XPO7: variants seen among roughly 807,000 people sequenced by gnomAD.
XPO7 encodes exportin 7, also known as exportin-7.
XPO7 carries 21 observed loss-of-function variants against 144.3 expected under a neutral mutation model. That is an observed-to-expected ratio of 0.15 (90% CI 0.10 to 0.21). The LOEUF (loss-of-function observed/expected upper bound fraction) is 0.21. XPO7 is among the 10% of genes least tolerant of loss of function. The pLI is 1.00. For synonymous variants in XPO7, 580 were observed against 499.6 expected (o/e 1.16, Z -2.15); for missense variants, 808 against 1,325.8 (o/e 0.61, Z 6.06).
chr8:21,976,217 A>G (rs1372657970), intron 6 of XPO7, 139 bp from the exon 7 acceptor site: 1 of 846,828 alleles, frequency 1.2e-6, no homozygotes, highest in Non-Finnish European at 1.9e-6. Context: ...TAGAAGTACC[A>G]CATCTTTGGA....
chr8:21,985,296 G>A (rs1563332960), intron 12 of XPO7, among the ~76,000 whole-genome samples: 2 of 152,184 alleles, frequency 1.3e-5, no homozygotes, highest in Non-Finnish European at 2.9e-5. Context: ...TCTTTTTACC[G>A]GGCCTGGCTG....
intron 1 of XPO7, among the ~76,000 whole-genome samples, chr8:21,946,783 C>T (rs1463312656): frequency 6.6e-6 from 1 of 151,644 alleles, no homozygotes; most frequent in East Asian, 1.9e-4. Flanking sequence ...CTCATACCTA[C>T]ACACTTTATA....
chr8:21,950,995 G>T (rs1404805838), intron 1 of XPO7, among the ~76,000 whole-genome samples: 4 of 152,026 alleles, frequency 2.6e-5, no homozygotes, highest in African/African-American at 7.2e-5. Context: ...GGGCGCGGTA[G>T]TGCATGCCTG....
At chr8:21,966,112 TC>T (rs1253048852) in intron 1 of XPO7, 1 of 614,936 alleles carries the variant, frequency 1.6e-6, no homozygotes, top group African/African-American at 1.9e-5. Context: ...CCATACCCCT[TC>T]CTGCCTCCCT....
intron 1 of XPO7, among the ~76,000 whole-genome samples, chr8:21,931,236 C>T (rs1585416570): frequency 6.6e-6 from 1 of 151,918 alleles, no homozygotes; most frequent in African/African-American, 2.4e-5. Flanking sequence ...AGTCTTGGCT[C>T]ACTGCAACCT....
intron 10 of XPO7, among the ~76,000 whole-genome samples, 170 bp downstream of exon 10, chr8:21,982,047 CAA>C (rs1276298031): frequency 3.3e-5 from 5 of 152,026 alleles, no homozygotes; most frequent in Non-Finnish European, 7.4e-5. Context: ...TACACAAGTG[CAA>C]GTAGTGTGGG....
chr8:21,949,624 G>T (rs1811304696), intron 1 of XPO7, among the ~76,000 whole-genome samples: 1 of 152,198 alleles, frequency 6.6e-6, no homozygotes, highest in East Asian at 1.9e-4. Context: ...AGGCCACGTG[G>T]TTCATGACTT....
At chr8:21,940,935 A>G (rs757662255) in intron 1 of XPO7, among the ~76,000 whole-genome samples, 8 of 152,148 alleles carry the variant, frequency 5.3e-5, no homozygotes, top group African/African-American at 9.7e-5. Flanking sequence ...TACCAAGCAT[A>G]TGTAATCAGC....
At chr8:21,975,719 G>C (rs938122588) in intron 6 of XPO7, among the ~76,000 whole-genome samples, 4 of 152,180 alleles carry the variant, frequency 2.6e-5, no homozygotes, top group African/African-American at 9.7e-5. Context: ...AGAAAACTAA[G>C]GATTGAATCC....
chr8:22,002,006 G>A, intron 24 of XPO7, 106 bp from the exon 25 acceptor site: 1 of 1,355,668 alleles, frequency 7.4e-7, no homozygotes. Flanking sequence ...CAACCGCCTT[G>A]GTTGAATTGG....
chr8:21,985,973 A>C (rs2117369800), intron 13 of XPO7, among the ~76,000 whole-genome samples: 1 of 152,338 alleles, frequency 6.6e-6, no homozygotes, highest in South Asian at 2.1e-4. Flanking sequence ...CAGAGTTAGT[A>C]AAATATGGAC....
Position 21,985,586 on chromosome 8 carries a change from G to A in XPO7, c.1472G>A (p.Gly491Glu). The A allele has an allele frequency of 1.2e-6, 2 of 1,613,996 alleles. No homozygotes were observed. The highest frequency in any genetic ancestry group is 8.5e-7 in the Non-Finnish European group (1 of 1,179,888). ...ASPMDIAVQE[G>E]RLTWLVYIIG... ...ACACTGGGTCTGTCTCCTGCTGCAG[G>A]AAGGCTGACATGGCTGGTTTACATT... Residue 491 changes from glycine (G) to glutamate (E), a missense_variant and splice_region_variant, in exon 13 of 28, where the codon GGA becomes GAA. Physicochemically the swap from Gly to Glu is moderately conservative, Grantham distance 98. Around this residue, in one of 5 missense-constraint regions of XPO7, gnomAD observed 416 missense variants for 612.5 expected, o/e 0.68. Transcript: ENST00000252512.
chr8:21,969,780 T>G (rs1811993410), intron 3 of XPO7: 1 of 577,972 alleles, frequency 1.7e-6, no homozygotes, highest in Non-Finnish European at 3.0e-6. Flanking sequence ...GCCTAAGTCC[T>G]CCCTTTTGTT....
intron 1 of XPO7, among the ~76,000 whole-genome samples, chr8:21,957,186 C>A (rs971074401): frequency 6.6e-6 from 1 of 152,048 alleles, no homozygotes; most frequent in Non-Finnish European, 1.5e-5. Context: ...AGGGAAGACT[C>A]AGCGGCACTC....
At chr8:21,995,676 C>T (rs1387647429) in intron 21 of XPO7, 77 bp downstream of exon 21, 33 of 1,131,788 alleles carry the variant, frequency 2.9e-5, no homozygotes, top group Non-Finnish European at 4.1e-5. Flanking sequence ...GTGCTTTGGG[C>T]AGATTGTGGG....
intron 1 of XPO7, among the ~76,000 whole-genome samples, chr8:21,957,778 C>G (rs1352851224): frequency 6.6e-6 from 1 of 152,230 alleles, no homozygotes; most frequent in African/African-American, 2.4e-5. Flanking sequence ...AGTCCATGCA[C>G]TGTGCTCACT....
chr8:21,975,809 G>A (rs1462656673), intron 6 of XPO7, among the ~76,000 whole-genome samples: 4 of 152,194 alleles, frequency 2.6e-5, no homozygotes, highest in Non-Finnish European at 5.9e-5. Context: ...GAATGGGACA[G>A]GCACAGTAGC....
At chr8:21,955,714 C>A (rs1433821298) in intron 1 of XPO7, among the ~76,000 whole-genome samples, 2 of 139,000 alleles carry the variant, frequency 1.4e-5, no homozygotes, top group Non-Finnish European at 1.5e-5. Context: ...GGCCTGTATT[C>A]TGTGCTTACC....
chr8:21,922,963 T>A (rs1031670504), intron 1 of XPO7, among the ~76,000 whole-genome samples: 3 of 152,156 alleles, frequency 2.0e-5, no homozygotes, highest in Non-Finnish European at 4.4e-5. Flanking sequence ...TTGTGAAGAA[T>A]CATTACAACT....
Sources: gnomAD v4.1 joint callset for allele counts (sites outside exome capture counted in the v4.1 genomes callset) on GRCh38, gnomAD v4.1.1 for gene constraint, gnomAD v4.1.1 regional missense constraint, MANE v1.5 for transcripts, NCBI Gene and HGNC (gene_info 2026-07-23, HGNC 2026-07-21) for gene names.